MYOM2: variants seen among roughly 807,000 people sequenced by gnomAD.
MYOM2 encodes the protein myomesin-2.
A neutral mutation model predicts 187.6 loss-of-function variants in MYOM2; 254 were observed. The ratio of observed to expected loss-of-function variants is 1.35; its 90% CI spans 1.22 to 1.50. The LOEUF is 1.50. MYOM2 is among the 40% of genes most tolerant of loss of function. The probability of loss-of-function intolerance (pLI) is 0.00; values close to 1 mark genes in which losing one functional copy is unlikely to be tolerated. For missense variants in MYOM2, 2,796 were observed against 1,924.0 expected (o/e 1.45, Z -8.48); for synonymous variants, 981 against 753.8 (o/e 1.30, Z -4.94).
chr8:2,098,919 C>T lies in MYOM2; in HGVS notation c.2376C>T (p.Gly792=), dbSNP rs1358383419. The T allele has an allele frequency of 3.7e-6, 6 of 1,613,392 alleles. No homozygotes were observed. The highest frequency in any genetic ancestry group is 5.1e-6 in the Non-Finnish European group (6 of 1,179,786). The change falls in exon 19 of 37, where the codon GGC becomes GGT. Residue 792 remains glycine, a synonymous_variant. Coordinates refer to ENST00000262113, the MANE Select transcript of MYOM2 (RefSeq NM_003970.4). The part of the protein sequence containing the change: ...EFKIAAVNLA[G]IGEPSDPSEH... ...AAATCGCCGCCGTCAACCTGGCCGG[C>T]ATCGGGGAGCCCTCAGATCCCAGTG... is the stretch of plus-strand genomic sequence containing the variant.
At chr8:2,077,700 G>C (rs902556584) in intron 11 of MYOM2, among the ~76,000 whole-genome samples, 1 of 152,072 alleles carries the variant, frequency 6.6e-6, no homozygotes, top group African/African-American at 2.4e-5. Flanking sequence ...ACCATTTCCT[G>C]CACTGTCTCA....
At chr8:2,076,914 G>T (rs757827626) in intron 11 of MYOM2, among the ~76,000 whole-genome samples, 2 of 152,212 alleles carry the variant, frequency 1.3e-5, no homozygotes, top group Non-Finnish European at 2.9e-5. Flanking sequence ...CACAGAGCCA[G>T]TGGGTTTACT....
At chr8:2,076,010 T>A (rs1224166410) in intron 10 of MYOM2, 131 bp from the exon 11 acceptor site, 8 of 804,786 alleles carry the variant, frequency 9.9e-6, no homozygotes, top group African/African-American at 1.8e-5. Context: ...ATTCTAGTAC[T>A]TTGAACATGA....
At chr8:2,068,758 T>G (rs914425556) in intron 6 of MYOM2, among the ~76,000 whole-genome samples, 1 of 152,196 alleles carries the variant, frequency 6.6e-6, no homozygotes, top group African/African-American at 2.4e-5. Context: ...CTGCATGGAA[T>G]GGACCCCCCC....
intron 14 of MYOM2, among the ~76,000 whole-genome samples, chr8:2,088,642 G>C (rs1796179719): frequency 6.6e-6 from 1 of 152,172 alleles, no homozygotes; most frequent in Non-Finnish European, 1.5e-5. Context: ...ATGGTGTGGG[G>C]GCACCACATT....
At chr8:2,072,744 G>A (rs1473641182) in intron 9 of MYOM2, among the ~76,000 whole-genome samples, 3 of 152,202 alleles carry the variant, frequency 2.0e-5, no homozygotes, top group Admixed American at 6.5e-5. Flanking sequence ...GAGACTGAGC[G>A]CTCGTACAGT....
intron 9 of MYOM2, among the ~76,000 whole-genome samples, chr8:2,072,997 C>T (rs189256014): frequency 1.1e-4 from 17 of 152,304 alleles, no homozygotes; most frequent in Non-Finnish European, 1.6e-4. Flanking sequence ...TAATCCCCCA[C>T]GGGCGGGGGG....
chr8:2,085,139 C>G, intron 13 of MYOM2, 124 bp from the exon 14 acceptor site: 2 of 1,233,480 alleles, frequency 1.6e-6, no homozygotes, highest in Non-Finnish European at 2.2e-6. Context: ...GTTTGTTTGA[C>G]TTCCCCAAAT....
intron 21 of MYOM2, among the ~76,000 whole-genome samples, chr8:2,104,485 G>C (rs1231877926): frequency 6.6e-6 from 1 of 151,964 alleles, no homozygotes; most frequent in Non-Finnish European, 1.5e-5. Context: ...GGCGCCTGTA[G>C]TCCCAGCTAC....
At chr8:2,052,338 C>T (rs751149444) in intron 3 of MYOM2, 25 bp downstream of exon 3, 2 of 1,575,208 alleles carry the variant, frequency 1.3e-6, no homozygotes, top group East Asian at 2.3e-5. Context: ...TCCCTGACTC[C>T]ACTTGTGCCC....
intron 31 of MYOM2, among the ~76,000 whole-genome samples, chr8:2,124,583 A>G (rs564001912): frequency 3.3e-5 from 5 of 152,360 alleles, no homozygotes; most frequent in African/African-American, 1.2e-4. Context: ...TGCGTCGTAC[A>G]CATTAAACCA....
At chr8:2,059,953 G>T (rs1818797730) in intron 6 of MYOM2, among the ~76,000 whole-genome samples, 1 of 152,056 alleles carries the variant, frequency 6.6e-6, no homozygotes, top group African/African-American at 2.4e-5. Flanking sequence ...TGTTGGTCAG[G>T]CTGGTCTCGA....
Position 2,057,440 on chromosome 8 carries a change from G to A in MYOM2, c.356G>A (p.Arg119His), listed in dbSNP as rs752951216. The A allele has an allele frequency of 4.3e-6, 7 of 1,613,902 alleles. No homozygotes were observed. Among genetic ancestry groups the A allele is most frequent in the Admixed American group, 3.3e-5 (2 of 59,964 alleles). ...AHLEEDVHLA[R>H]SQARDKLDKY... ...TTGGAGGAGGATGTCCACCTGGCAC[G>A]CTCCCAGGCCCGCGACAAGCTGGAC... is the stretch of plus-strand genomic sequence containing the variant. Residue 119 changes from arginine to histidine, a missense_variant, in exon 4 of 37, where the codon CGC (arginine) becomes CAC (histidine). By Grantham distance (29) the Arg-to-His change is conservative. Transcript: ENST00000262113.
chr8:2,117,078 A>G (rs1484804995), intron 27 of MYOM2, among the ~76,000 whole-genome samples: 6 of 152,238 alleles, frequency 3.9e-5, no homozygotes, highest in African/African-American at 7.2e-5. Flanking sequence ...AAACATTTTT[A>G]TATATGGGAT....
At chr8:2,109,315 A>G in intron 24 of MYOM2, 80 bp from the exon 25 acceptor site, 1 of 1,423,230 alleles carries the variant, frequency 7.0e-7, no homozygotes, top group Middle Eastern at 2.2e-4. Flanking sequence ...ACTAGGATTG[A>G]TATTTCCCTA....
At chr8:2,131,526 G>C (rs910226934) in intron 32 of MYOM2, among the ~76,000 whole-genome samples, 5 of 151,652 alleles carry the variant, frequency 3.3e-5, no homozygotes, top group East Asian at 1.9e-4. Context: ...AGCATCCCTA[G>C]ATACAAAAAG....
intron 15 of MYOM2, among the ~76,000 whole-genome samples, chr8:2,091,077 G>T (rs1796287343): frequency 8.6e-6 from 1 of 115,642 alleles, no homozygotes; most frequent in African/African-American, 3.4e-5. Context: ...CACAATAGTT[G>T]AACTAATTTA....
In MYOM2 at chr8:2,144,736, A is replaced by T. The variant is rs551294239; in HGVS notation, c.4153A>T (p.Ile1385Phe). The change falls in exon 37 of 37, where the codon ATC (isoleucine) becomes TTC (phenylalanine). Residue 1385 changes from isoleucine to phenylalanine, a missense_variant. Physicochemically the swap from Ile to Phe is conservative, Grantham distance 21. Coordinates refer to ENST00000262113, the MANE Select transcript of MYOM2 (RefSeq NM_003970.4). ...GATTTGGTTCAAGAACGACCAGGACATCCAGCTCAGCGAGCACTTCTCGGT... is the reference window on the plus strand; with the variant it reads ...GATTTGGTTCAAGAACGACCAGGACTTCCAGCTCAGCGAGCACTTCTCGGT... The part of the protein sequence containing the change: ...EVIWFKNDQD[I>F]QLSEHFSVKV... 1.2e-6 allele frequency: 2 copies of T among 1,613,908 alleles called. No individual in the cohort carries two copies. The highest frequency in any genetic ancestry group is 1.6e-4 in the Middle Eastern group (1 of 6,062).
At chr8:2,096,128 G>A in intron 17 of MYOM2, 119 bp from the exon 18 acceptor site, 1 of 895,440 alleles carries the variant, frequency 1.1e-6, no homozygotes, top group Non-Finnish European at 1.7e-6. Flanking sequence ...AGAGGGCACA[G>A]TGTTCAGGCC....
Sources: gnomAD v4.1 joint callset for allele counts (sites outside exome capture counted in the v4.1 genomes callset) on GRCh38, gnomAD v4.1.1 for gene constraint, MANE v1.5 for transcripts, NCBI Gene and HGNC (gene_info 2026-07-23, HGNC 2026-07-21) for gene names.